SOX30: variants seen among roughly 807,000 people sequenced by gnomAD.
The protein encoded by SOX30 is transcription factor SOX-30.
SOX30 carries 17 observed loss-of-function variants against 58.6 expected under a neutral mutation model. The observed-to-expected ratio is 0.29, with a 90% confidence interval of 0.20 to 0.44. The LOEUF is 0.44. SOX30 is among the 20% of genes least tolerant of loss of function. The pLI is 1.00. For missense variants in SOX30, 951 were observed against 965.8 expected (o/e 0.98, Z 0.20); for synonymous variants, 421 against 400.2 (o/e 1.05, Z -0.62).
In SOX30 at chr5:157,626,197, A is replaced by C; in HGVS notation, c.*143T>G. 1.6e-6 allele frequency: 1 copy of C among 638,366 alleles called. No individual in the cohort carries two copies. Among genetic ancestry groups the C allele is most frequent in the Non-Finnish European group, 2.5e-6 (1 of 398,510 alleles). 39.5% of individuals were successfully genotyped at this position (638,366 alleles called of 1,614,324 possible). ...TTTCACTAATCAAAATTTTATGAAG[A>C]CATAAATTGCATTTGGTTTTAACTC... On this transcript the variant is annotated 3_prime_UTR_variant, in exon 5 of 5. Transcript: ENST00000265007.
At chr5:157,645,520 G>A (rs1033697088) in intron 3 of SOX30, among the ~76,000 whole-genome samples, 1 of 151,922 alleles carries the variant, frequency 6.6e-6, no homozygotes, top group African/African-American at 2.4e-5. Context: ...AAATTAGCCA[G>A]GCATGGTGGT....
At chr5:157,652,842 C>T (rs1237472743), upstream of SOX30, among the ~76,000 whole-genome samples, 1 of 152,174 alleles carries the variant, frequency 6.6e-6, no homozygotes, top group East Asian at 1.9e-4. Context: ...AGTCTCCCTG[C>T]TTGTCACCCT....
chr5:157,647,858 T>TA (rs1318960146), intron 2 of SOX30, among the ~76,000 whole-genome samples: 1 of 152,020 alleles, frequency 6.6e-6, no homozygotes, highest in African/African-American at 2.4e-5. Context: ...CGCGCCTGGC[T>TA]GATCAGTCAC....
At chr5:157,630,930 T>TTA (rs1207207784) in intron 4 of SOX30, among the ~76,000 whole-genome samples, 15 of 111,932 alleles carry the variant, frequency 1.3e-4, no homozygotes, top group South Asian at 1.2e-3. Context: ...ATATTATATA[T>TTA]TATATATATA....
chr5:157,650,985 ACT>A, intron 1 of SOX30, 125 bp downstream of exon 1: 1 of 697,236 alleles, frequency 1.4e-6, no homozygotes, highest in Non-Finnish European at 2.4e-6. Flanking sequence ...ACCTGTGCAG[ACT>A]CTGCCCTGAA....
chr5:157,632,168 T>C (rs979407375), intron 4 of SOX30, among the ~76,000 whole-genome samples: 1 of 151,428 alleles, frequency 6.6e-6, no homozygotes, highest in East Asian at 1.9e-4. Context: ...CCCATAGAAG[T>C]TTTCCAATCT....
At chr5:157,670,969 T>C (rs1759768227) in intron 1 of SOX30, among the ~76,000 whole-genome samples, 1 of 151,954 alleles carries the variant, frequency 6.6e-6, no homozygotes, top group South Asian at 2.1e-4. Flanking sequence ...CTTATAGGGG[T>C]GGGCCAGGTA....
chr5:157,649,761 G>A (rs1165066725), intron 1 of SOX30, among the ~76,000 whole-genome samples: 1 of 152,198 alleles, frequency 6.6e-6, no homozygotes, highest in East Asian at 1.9e-4. Context: ...CGGTACTCCA[G>A]ACTGGGCAAC....
intron 4 of SOX30, among the ~76,000 whole-genome samples, chr5:157,630,763 C>A (rs1215574448): frequency 6.7e-6 from 1 of 148,726 alleles, no homozygotes; most frequent in African/African-American, 2.5e-5. Context: ...AGCTTGGGGT[C>A]TTTTTGTGTA....
chr5:157,667,798 C>T, exon 2 of SOX30: 1 of 1,535,220 alleles, frequency 6.5e-7, no homozygotes, highest in Non-Finnish European at 8.7e-7. Context: ...ACATACAAAC[C>T]TTGCTGGATG....
rs1201515568 is a variant in SOX30 at position 157,626,012 on chromosome 5, G to T, written c.*328C>A. ...ATAAAATAAAAATCACACTATGCTA[G>T]ATTTATTTCCCCTTTCCCCTCACAT... is the stretch of plus-strand genomic sequence containing the variant. On this transcript the variant is annotated 3_prime_UTR_variant, in exon 5 of 5. Transcript: ENST00000265007. The T allele has an allele frequency of 5.3e-6, 1 of 189,454 alleles. No homozygotes were observed. The highest frequency in any genetic ancestry group is 2.3e-5 in the African/African-American group (1 of 42,844). The allele number at this position is 189,454 out of a possible 1,614,324, so 11.7% of individuals were successfully genotyped here. A position where few individuals can be genotyped will look rare whatever the true frequency, so the allele number is the denominator to read the frequency against.
At chr5:157,628,169 A>G (rs1758705483) in intron 4 of SOX30, among the ~76,000 whole-genome samples, 1 of 152,080 alleles carries the variant, frequency 6.6e-6, no homozygotes, top group Non-Finnish European at 1.5e-5. Flanking sequence ...TTTTTTTAAA[A>G]AAGATTATAC....
upstream of SOX30, among the ~76,000 whole-genome samples, chr5:157,656,011 A>T (rs1759467425): frequency 6.6e-6 from 1 of 152,172 alleles, no homozygotes; most frequent in Non-Finnish European, 1.5e-5. Flanking sequence ...AAAAAACTGG[A>T]TGAGGTTTCC....
At chr5:157,661,222 A>G (rs1759573296) in intron 2 of SOX30, among the ~76,000 whole-genome samples, 1 of 152,224 alleles carries the variant, frequency 6.6e-6, no homozygotes, top group African/African-American at 2.4e-5. Flanking sequence ...AGTCTTAGGA[A>G]GAAAGCATCC....
intron 4 of SOX30, among the ~76,000 whole-genome samples, chr5:157,632,836 C>G (rs1387148832): frequency 6.6e-6 from 1 of 152,180 alleles, no homozygotes; most frequent in Non-Finnish European, 1.5e-5. Flanking sequence ...CGCCTGTAAT[C>G]CCAACACTCT....
chr5:157,646,739 G>T lies in SOX30; in HGVS notation c.1285C>A (p.Gln429Lys), dbSNP rs12188040. Residue 429 changes from glutamine to lysine, a missense_variant, in exon 3 of 5, where the codon CAG becomes AAG. By Grantham distance (53) the Gln-to-Lys change is moderately conservative. Coordinates refer to ENST00000265007, the MANE Select transcript of SOX30 (RefSeq NM_178424.2). Reference protein sequence around the residue: ...SVSNVFSGTTQNIISTNPTTV... With the variant: ...SVSNVFSGTTKNIISTNPTTV... ...GTAGGATTTGTAGAGATGATATTCT[G>T]TGTGGTACCAGAAAATACATTGGAA... 0.032 allele frequency: 51,444 copies of T among 1,613,532 alleles called. 1,421 individuals are homozygous for T. The highest frequency in any genetic ancestry group is 0.1 in the East Asian group (4,493 of 44,868).
At chr5:157,670,956 C>T (rs1301175876) in intron 1 of SOX30, among the ~76,000 whole-genome samples, 1 of 152,194 alleles carries the variant, frequency 6.6e-6, no homozygotes, top group East Asian at 1.9e-4. Flanking sequence ...GAGCGAGGCA[C>T]CACTTATAGG....
rs757877671 is a variant in SOX30, at chr5:157,648,668, T to A, written c.1196A>T (p.Glu399Val). 2 of 1,612,524 alleles carry A rather than the reference T, an allele frequency of 1.2e-6. No individual in the cohort carries two copies. The highest frequency in any genetic ancestry group is 1.7e-6 in the Non-Finnish European group (2 of 1,179,168). ...EAQKIKEKHREEFPGWVYQPR... is the reference protein window; with the variant it reads ...EAQKIKEKHRVEFPGWVYQPR... ...TTTAATTTGATTACCAGGAAATTCC[T>A]CTCTGTGCTTTTCCTTAATCTTTTG... The change falls in exon 2 of 5, where the codon GAG (glutamate) becomes GTG (valine). Residue 399 changes from glutamate (E) to valine (V), a missense_variant. By Grantham distance (121) the Glu-to-Val change is moderately radical. Transcript: ENST00000265007.
intron 2 of SOX30, chr5:157,667,668 C>T (rs1294777685): frequency 6.3e-6 from 8 of 1,268,214 alleles, no homozygotes; most frequent in South Asian, 3.4e-5. Flanking sequence ...GAACCCAGGT[C>T]GCAGAGGCTG....
Sources: gnomAD v4.1 joint callset for allele counts (sites outside exome capture counted in the v4.1 genomes callset) on GRCh38, gnomAD v4.1.1 for gene constraint, MANE v1.5 for transcripts, NCBI Gene and HGNC (gene_info 2026-07-23, HGNC 2026-07-21) for gene names.